The following PCLO variants were observed in gnomAD, a reference collection of about 807,000 sequenced individuals.
PCLO encodes the protein piccolo presynaptic cytomatrix protein, also known as protein piccolo.
A neutral mutation model predicts 427.5 loss-of-function variants in PCLO; 82 were observed. That is an observed-to-expected ratio of 0.19 (90% CI 0.16 to 0.23). The LOEUF (loss-of-function observed/expected upper bound fraction) is 0.23. Ranked by LOEUF, PCLO falls within the 10% of genes least tolerant of loss-of-function variation. The pLI is 1.00. For synonymous variants in PCLO, 2,357 were observed against 2,155.4 expected (o/e 1.09, Z -2.59); for missense variants, 6,239 against 6,115.9 (o/e 1.02, Z -0.67).
chr7:82,843,278 A>T (rs757912095), intron 13 of PCLO, among the ~76,000 whole-genome samples: 10 of 152,174 alleles, frequency 6.6e-5, no homozygotes, highest in Non-Finnish European at 1.3e-4. Flanking sequence ...GAAGGACATT[A>T]TGTTAAGTGG....
intron 20 of PCLO, among the ~76,000 whole-genome samples, chr7:82,812,089 G>T (rs764599387): frequency 6.6e-6 from 1 of 151,320 alleles, no homozygotes; most frequent in African/African-American, 2.4e-5. Context: ...AAGACGGGTT[G>T]CCTCCATTTG....
intron 19 of PCLO, 52 bp from the exon 20 acceptor site, chr7:82,822,741 A>G (rs375424840): frequency 6.6e-7 from 1 of 1,513,836 alleles, no homozygotes; most frequent in African/African-American, 1.4e-5. Context: ...CATTCCTCCT[A>G]TCAAGCTTGG....
chr7:82,821,005 A>G, intron 20 of PCLO: 1 of 1,219,956 alleles, frequency 8.2e-7, no homozygotes, highest in Non-Finnish European at 1.0e-6. Context: ...AGCACATTAA[A>G]AAGTGGATAA....
At chr7:82,905,053 G>T (rs17156827) in intron 8 of PCLO, among the ~76,000 whole-genome samples, 9,958 of 152,094 alleles carry the variant, frequency 0.065, 1,076 homozygotes, top group African/African-American at 0.22. Flanking sequence ...TAGCAGATGG[G>T]GTTACGGGTA....
At chr7:83,030,966 T>C (rs79860903) in intron 3 of PCLO, among the ~76,000 whole-genome samples, 2,076 of 152,302 alleles carry the variant, frequency 0.014, 15 homozygotes, top group Non-Finnish European at 0.021. Context: ...AGTGGATGAA[T>C]TATTTCTTTT....
At position 83,135,411 on chromosome 7, in the gene PCLO, ATGAAGGGTTG is replaced by A. The variant is rs1451484551; in HGVS notation, c.2129_2138del (p.Pro710LeufsTer48). 1 of 1,613,946 alleles carries A rather than the reference ATGAAGGGTTG, an allele frequency of 6.2e-7. No individual in the cohort carries two copies. The highest frequency in any genetic ancestry group is 1.1e-5 in the South Asian group (1 of 91,082). ...GCTTGGCCTTGGCTGAAGGAGAGCC[ATGAAGGGTTG>A]GTTGTTTCACTAGTGGTGGTGGCTT... On this transcript the variant is annotated frameshift_variant, in exon 3 of 25. Transcript: ENST00000333891. LOFTEE classifies it high-confidence loss of function.
At chr7:83,111,430 A>G (rs1009675573) in intron 3 of PCLO, among the ~76,000 whole-genome samples, 19 of 152,218 alleles carry the variant, frequency 1.2e-4, no homozygotes, top group African/African-American at 3.9e-4. Flanking sequence ...TGAGCTCTTC[A>G]AAGGACCGGA....
chr7:83,022,685 A>G (rs1006846413), intron 3 of PCLO, among the ~76,000 whole-genome samples: 1 of 152,216 alleles, frequency 6.6e-6, no homozygotes, highest in Non-Finnish European at 1.5e-5. Context: ...TTTTAGATTT[A>G]TACAGTAGAA....
chr7:82,987,188 A>T (rs1796274787), intron 3 of PCLO, among the ~76,000 whole-genome samples: 1 of 152,034 alleles, frequency 6.6e-6, no homozygotes, highest in Admixed American at 6.6e-5. Context: ...TACAAATAAC[A>T]TTATGACAAA....
intron 3 of PCLO, among the ~76,000 whole-genome samples, chr7:83,048,649 C>T (rs936484306): frequency 1.3e-4 from 20 of 152,102 alleles, no homozygotes; most frequent in African/African-American, 3.9e-4. Context: ...CTGAAGAAGA[C>T]GGCTGAGTAG....
At chr7:82,806,478 C>T (rs1791459665) in intron 20 of PCLO, among the ~76,000 whole-genome samples, 1 of 152,144 alleles carries the variant, frequency 6.6e-6, no homozygotes, top group African/African-American at 2.4e-5. Flanking sequence ...TATAAGAATC[C>T]ATATTCCCAT....
rs1326142292 is a variant in PCLO, at chr7:82,956,006, T to G, written c.4947A>C (p.Lys1649Asn). 6.2e-7 allele frequency: 1 copy of G among 1,613,288 alleles called. No individual in the cohort carries two copies. Among genetic ancestry groups the G allele is most frequent in the Non-Finnish European group, 8.5e-7 (1 of 1,179,854 alleles). ...ESPELKYRET[K>N]SQESEELVVT... The stretch of plus-strand genomic sequence containing the variant: ...CTACAAGTTCTTCACTTTCCTGACT[T>G]TTAGTTTCTCTGTATTTAAGTTCAG... The change falls in exon 5 of 25, where the codon AAA (lysine) becomes AAC (asparagine). Residue 1649 changes from lysine to asparagine, a missense_variant. By Grantham distance (94) the Lys-to-Asn change is moderately conservative (BLOSUM62 0). Coordinates refer to ENST00000333891, the MANE Select transcript of PCLO (RefSeq NM_033026.6).
At chr7:83,061,971 GGAA>G (rs757818468) in intron 3 of PCLO, among the ~76,000 whole-genome samples, 8 of 152,134 alleles carry the variant, frequency 5.3e-5, no homozygotes, top group African/African-American at 1.2e-4. Flanking sequence ...GCAAAGAAAA[GGAA>G]GAAGAAGTCC....
rs1441837872 is a variant in PCLO at position 82,801,313 on chromosome 7, T to G, written c.15007+205A>C. Among the ~76,000 whole-genome samples the G allele has an allele frequency of 2.0e-5, 3 of 151,666 alleles. No individual in the cohort carries two copies. In the East Asian group the frequency reaches 5.9e-4, roughly 30 times the overall value. On this transcript the variant is annotated intron_variant, in intron 22 of 24. Transcript: ENST00000333891. ...TTAATTTTTCAGTACCCCAAGTTAC[T>G]TTAATGTTAAACACAAATGAGAAAA...
Position 82,811,862 on chromosome 7 carries a change from G to T in PCLO, c.14792-6033C>A, listed in dbSNP as rs146550185. 1.7e-3 allele frequency among the ~76,000 whole-genome samples: 251 copies of T among 151,326 alleles called. 1 individual carries two copies. Among genetic ancestry groups the T allele is most frequent in the African/African-American group, 5.9e-3 (243 of 41,414 alleles). ...CGTTAGGCATGGAAGTTGAAGGAAG[G>T]ATGTCATTGACAATTTCTTTTTTAA... On this transcript the variant is annotated intron_variant, in intron 20 of 24. Transcript: ENST00000333891.
intron 8 of PCLO, among the ~76,000 whole-genome samples, chr7:82,903,545 G>A (rs573990762): frequency 2.8e-4 from 42 of 151,958 alleles, no homozygotes; most frequent in Non-Finnish European, 5.4e-4. Flanking sequence ...TGAAACAAAA[G>A]TAAATTAGCG....
intron 16 of PCLO, among the ~76,000 whole-genome samples, chr7:82,834,955 TGTTTGTTTG>T (rs1792192424): frequency 6.7e-6 from 1 of 150,016 alleles, no homozygotes. Flanking sequence ...TCTTTTTTTT[TGTTTGTTTG>T]TTTGTTTGTT....
intron 10 of PCLO, among the ~76,000 whole-genome samples, chr7:82,849,847 T>C (rs1451839885): frequency 6.6e-6 from 1 of 152,128 alleles, no homozygotes; most frequent in Non-Finnish European, 1.5e-5. Flanking sequence ...AAAGATTTTC[T>C]GGAAAATATT....
chr7:83,041,571 T>G (rs1353623445), intron 3 of PCLO, among the ~76,000 whole-genome samples: 1 of 152,160 alleles, frequency 6.6e-6, no homozygotes, highest in Non-Finnish European at 1.5e-5. Flanking sequence ...TTTCAAACAT[T>G]TAAAGAAATC....
Sources: gnomAD v4.1 joint callset for allele counts (sites outside exome capture counted in the v4.1 genomes callset) on GRCh38, gnomAD v4.1.1 for gene constraint, MANE v1.5 for transcripts, NCBI Gene and HGNC (gene_info 2026-07-23, HGNC 2026-07-21) for gene names.